MEGF10: variants seen among roughly 807,000 people sequenced by gnomAD.
MEGF10 encodes the protein multiple epidermal growth factor-like domains protein 10.
MEGF10 carries 86 observed loss-of-function variants against 147.5 expected under a neutral mutation model. That is an observed-to-expected ratio of 0.58 (90% CI 0.49 to 0.70). The LOEUF is 0.70. Among genes scored for constraint, MEGF10 ranks in the 30% least tolerant of loss-of-function variants. The pLI is 0.00. For synonymous variants in MEGF10, 478 were observed against 525.5 expected (o/e 0.91, Z 1.24); for missense variants, 1,329 against 1,487.3 (o/e 0.89, Z 1.75).
Position 127,396,689 on chromosome 5 carries a change from C to A in MEGF10, c.570C>A (p.Asp190Glu). 6.2e-7 allele frequency: 1 copy of A among 1,614,136 alleles called. No individual in the cohort carries two copies. Among genetic ancestry groups the A allele is most frequent in the Non-Finnish European group, 8.5e-7 (1 of 1,180,042 alleles). Residue 190 changes from aspartate to glutamate, a missense_variant, in exon 6 of 25, where the codon GAC (aspartate) becomes GAA (glutamate). This residue lies in a region of MEGF10 where 980 missense variants were observed against 1,085.9 expected (regional missense o/e 0.90). Transcript: ENST00000503335. ...DRCEQGTYGNDCHQRCQCQNG... is the reference protein window; with the variant it reads ...DRCEQGTYGNECHQRCQCQNG... ...GTGAGCAGGGCACCTATGGTAACGA[C>A]TGTCATCAGAGATGCCAGTGCCAGA...
At chr5:127,305,414 A>G (rs1173055298) in intron 1 of MEGF10, among the ~76,000 whole-genome samples, 1 of 152,090 alleles carries the variant, frequency 6.6e-6, no homozygotes, top group Non-Finnish European at 1.5e-5. Context: ...CAGTGAGGAA[A>G]CACTTCACCT....
rs1424763795 is a variant in MEGF10, at chr5:127,434,673, C to G, written c.1841-14C>G. ...TCTCAGAAGGATAACTGCTGATTTC[C>G]CTTCTGTTTTCAGTCTGCTCCCCTG... On this transcript the variant is annotated splice_polypyrimidine_tract_variant and intron_variant, in intron 14 of 24. Coordinates refer to ENST00000503335, the MANE Select transcript of MEGF10 (RefSeq NM_001256545.2). The G allele has an allele frequency of 6.3e-7, 1 of 1,599,658 alleles. No individual in the cohort carries two copies. The highest frequency in any genetic ancestry group is 2.3e-5 in the East Asian group (1 of 44,138).
intron 5 of MEGF10, among the ~76,000 whole-genome samples, chr5:127,377,002 G>A (rs913313996): frequency 6.6e-6 from 1 of 152,102 alleles, no homozygotes; most frequent in Non-Finnish European, 1.5e-5. Context: ...GACACCGGAC[G>A]ATTATGAAAA....
At chr5:127,262,316 T>G in the MEGF10 span, among the ~76,000 whole-genome samples, 1 of 152,184 alleles carries the variant, frequency 6.6e-6, no homozygotes, top group African/African-American at 2.4e-5. Flanking sequence ...TCCAACTTCA[T>G]TCTTTTGCAT....
chr5:127,391,391 C>T (rs1185644878), intron 5 of MEGF10, among the ~76,000 whole-genome samples: 1 of 151,854 alleles, frequency 6.6e-6, no homozygotes, highest in South Asian at 2.1e-4. Flanking sequence ...GCCTGGGCAA[C>T]ATGATGAAAC....
chr5:127,247,116 A>C, the MEGF10 span, among the ~76,000 whole-genome samples: 2 of 142,158 alleles, frequency 1.4e-5, no homozygotes, highest in African/African-American at 5.2e-5. Context: ...CAGCTTGAAA[A>C]AGAAGGGTCT....
intron 8 of MEGF10, among the ~76,000 whole-genome samples, chr5:127,403,546 A>AT (rs538631749): frequency 2.0e-5 from 3 of 151,908 alleles, no homozygotes; most frequent in East Asian, 1.9e-4. Flanking sequence ...ATTCTTTCTA[A>AT]TTTTTTTTGT....
chr5:127,433,231 G>GT, intron 13 of MEGF10, 132 bp from the exon 14 acceptor site: 1 of 1,017,722 alleles, frequency 9.8e-7, no homozygotes, highest in Non-Finnish European at 1.5e-6. Context: ...TTATAAGATG[G>GT]TAACTCTCCA....
intron 4 of MEGF10, among the ~76,000 whole-genome samples, chr5:127,367,187 A>G (rs1281504399): frequency 6.6e-6 from 1 of 152,184 alleles, no homozygotes; most frequent in African/African-American, 2.4e-5. Context: ...GTGGAAGAGA[A>G]AGACGAGTGG....
chr5:127,325,150 A>G (rs1457720208), intron 1 of MEGF10, among the ~76,000 whole-genome samples: 1 of 152,058 alleles, frequency 6.6e-6, no homozygotes, highest in Non-Finnish European at 1.5e-5. Context: ...TTTCTTTTTC[A>G]AGTCCCTGCT....
chr5:127,456,877 TC>T (rs1206512093), intron 24 of MEGF10, among the ~76,000 whole-genome samples: 1 of 152,212 alleles, frequency 6.6e-6, no homozygotes, highest in Non-Finnish European at 1.5e-5. Context: ...TTCTGTATAT[TC>T]CCTTAATATC....
Position 127,460,579 on chromosome 5 carries a change from C to T in MEGF10, c.*3261C>T, listed in dbSNP as rs1266275989. On this transcript the variant is annotated 3_prime_UTR_variant, in exon 25 of 25. Coordinates refer to ENST00000503335, the MANE Select transcript of MEGF10 (RefSeq NM_001256545.2). ...GCAAACAACTTTATGAAAGTGTGGT[C>T]ATCTTGACCCCCAAAGAGCCACAGT... is the stretch of plus-strand genomic sequence containing the variant. 2.0e-5 allele frequency: 3 copies of T among 152,100 alleles called. No individual in the cohort carries two copies. The highest frequency in any genetic ancestry group is 7.2e-5 in the African/African-American group (3 of 41,406). 9.4% of individuals were successfully genotyped at this position (152,100 alleles called of 1,614,324 possible).
intron 5 of MEGF10, among the ~76,000 whole-genome samples, chr5:127,375,495 C>T (rs967710743): frequency 6.6e-6 from 1 of 152,176 alleles, no homozygotes; most frequent in Non-Finnish European, 1.5e-5. Flanking sequence ...TAGACATATT[C>T]CTTCTTTTTA....
At chr5:127,379,959 A>T (rs2126882352) in intron 5 of MEGF10, among the ~76,000 whole-genome samples, 2 of 152,106 alleles carry the variant, frequency 1.3e-5, no homozygotes, top group South Asian at 4.2e-4. Context: ...CCATACAGAC[A>T]CTATCTCTGA....
chr5:127,234,349 G>C, the MEGF10 span, among the ~76,000 whole-genome samples: 1 of 152,232 alleles, frequency 6.6e-6, no homozygotes, highest in Non-Finnish European at 1.5e-5. Context: ...TAGGTGCAGA[G>C]TGGGTGGGGA....
intron 13 of MEGF10, among the ~76,000 whole-genome samples, chr5:127,423,540 A>G (rs1765102820): frequency 6.6e-6 from 1 of 152,234 alleles, no homozygotes; most frequent in East Asian, 1.9e-4. Context: ...TTCCTCACCA[A>G]CACTAGTTAT....
intron 1 of MEGF10, among the ~76,000 whole-genome samples, chr5:127,330,617 G>A (rs1761217590): frequency 6.6e-6 from 1 of 152,058 alleles, no homozygotes; most frequent in Non-Finnish European, 1.5e-5. Flanking sequence ...GTATAATCTA[G>A]TTTTTAGAAA....
At chr5:127,422,450 G>T (rs991632963) in intron 12 of MEGF10, among the ~76,000 whole-genome samples, 2 of 152,082 alleles carry the variant, frequency 1.3e-5, no homozygotes, top group African/African-American at 2.4e-5. Context: ...GGAGGCCGAG[G>T]TTGCGCTGAG....
chr5:127,307,757 T>C (rs1040829544), intron 1 of MEGF10, among the ~76,000 whole-genome samples: 1 of 152,188 alleles, frequency 6.6e-6, no homozygotes, highest in Middle Eastern at 3.2e-3. Flanking sequence ...GCTATCTTCT[T>C]TTATTTTGAA....
Sources: allele counts gnomAD v4.1 joint callset (sites outside exome capture counted in the v4.1 genomes callset), GRCh38; gene constraint gnomAD v4.1.1; regional missense constraint gnomAD v4.1.1; transcripts MANE v1.5; gene names NCBI Gene and HGNC (gene_info 2026-07-23, HGNC 2026-07-21).